The following GNL3 variants were observed in gnomAD, a reference collection of about 807,000 sequenced individuals.
GNL3 encodes the protein guanine nucleotide-binding protein-like 3.
GNL3 carries 77 observed loss-of-function variants against 70.6 expected under a neutral mutation model. The observed-to-expected ratio is 1.09, with a 90% CI of 0.91 to 1.32. The LOEUF is 1.32. Among genes scored for constraint, GNL3 ranks in the 40% most tolerant of loss-of-function variants. GNL3 has a pLI of 0.00. For missense variants in GNL3, 634 were observed against 644.0 expected (o/e 0.98, Z 0.17); for synonymous variants, 252 against 216.1 (o/e 1.17, Z -1.46).
At position 52,691,001 on chromosome 3, in the gene GNL3, A is replaced by G; in HGVS notation, c.711A>G (p.Lys237=). ...APFRSEVCFG[K]EGLWKLLGGF... Reference sequence around the variant, plus strand: ...TCAGAAGTGAAGTCTGCTTTGGGAAAGAGGGCCTTTGGAAACTTCTTGGAG... The same window carrying G: ...TCAGAAGTGAAGTCTGCTTTGGGAAGGAGGGCCTTTGGAAACTTCTTGGAG... The change falls in exon 8 of 15, where the codon AAA becomes AAG. Residue 237 remains lysine, a synonymous_variant. Transcript: ENST00000418458. 2 of 1,613,858 alleles carry G rather than the reference A, an allele frequency of 1.2e-6. No individual in the cohort carries two copies. Among genetic ancestry groups the G allele is most frequent in the South Asian group, 1.1e-5 (1 of 91,080 alleles).
chr3:52,692,819 C>G (rs765484246), intron 9 of GNL3, 53 bp from the exon 10 acceptor site: 5 of 1,423,600 alleles, frequency 3.5e-6, no homozygotes, highest in African/African-American at 1.4e-5. Context: ...TGTTCTGTCT[C>G]TTAACCTCCA....
intron 5 of GNL3, 42 bp from the exon 6 acceptor site, chr3:52,689,032 T>G: frequency 6.4e-7 from 1 of 1,566,364 alleles, no homozygotes; most frequent in Non-Finnish European, 8.8e-7. Context: ...TCTGATCATT[T>G]TCTCCTTGAT....
chr3:52,693,111 G>C (rs1348880155), intron 10 of GNL3, 65 bp downstream of exon 10: 29 of 1,598,154 alleles, frequency 1.8e-5, no homozygotes, highest in Non-Finnish European at 2.4e-5. Flanking sequence ...ATTTTGAGTA[G>C]AAAAATCTTG....
In GNL3 at chr3:52,693,803, T is replaced by C. The variant is rs2097329866; in HGVS notation, c.1496T>C (p.Val499Ala). ...GACCAGGAAACTGTTGATGAAGAAG[T>C]TGATGTAAGTGTGTCCTCCATGAGT... ...DSDQETVDEE[V>A]DENSSGMFAA... The change falls in exon 13 of 15, where the codon GTT (valine) becomes GCT (alanine). Residue 499 changes from valine to alanine, a missense_variant. Physicochemically the swap from Val to Ala is moderately conservative, Grantham distance 64. Transcript: ENST00000418458. 1 of 1,612,130 alleles carries C rather than the reference T, an allele frequency of 6.2e-7. No homozygotes were observed. Among genetic ancestry groups the C allele is most frequent in the Middle Eastern group, 1.7e-4 (1 of 6,058 alleles).
At position 52,693,208 on chromosome 3, in the gene GNL3, C is replaced by A. The variant is rs536200025; in HGVS notation, c.1066C>A (p.Pro356Thr). ...ARQVVLKYTV[P>T]GYRNSLEFFT... ...TAAGGTAGTACTGAAATATACTGTCCCAGGCTACAGGAATTCTCTGGAATT... is the reference window on the plus strand; with the variant it reads ...TAAGGTAGTACTGAAATATACTGTCACAGGCTACAGGAATTCTCTGGAATT... The change falls in exon 11 of 15, where the codon CCA (proline) becomes ACA (threonine). Residue 356 changes from proline to threonine, a missense_variant. Physicochemically the swap from Pro to Thr is conservative, Grantham distance 38. Transcript: ENST00000418458. 1 of 1,613,262 alleles carries A rather than the reference C, an allele frequency of 6.2e-7. No homozygotes were observed. Among genetic ancestry groups the A allele is most frequent in the East Asian group, 2.2e-5 (1 of 44,862 alleles).
rs776549711 is a variant in GNL3, at chr3:52,693,457, C to T, written c.1237C>T (p.Pro413Ser). 4 of 1,613,934 alleles carry T rather than the reference C, an allele frequency of 2.5e-6. No individual in the cohort carries two copies. In the South Asian group the frequency reaches 4.4e-5, roughly 18 times the overall value. Residue 413 changes from proline to serine, a missense_variant, in exon 12 of 15, where the codon CCA (proline) becomes TCA (serine). By Grantham distance (74) the Pro-to-Ser change is moderately conservative. Coordinates refer to ENST00000418458, the MANE Select transcript of GNL3 (RefSeq NM_014366.5). The part of the protein sequence containing the change: ...CHPPTSWTPP[P>S]YFNESIVVDM... The stretch of plus-strand genomic sequence containing the variant: ...TCCCCCTACATCTTGGACTCCTCCT[C>T]CATATTTTAATGAGAGTATTGTGGT...
chr3:52,687,987 G>A, intron 4 of GNL3, 122 bp from the exon 5 acceptor site: 1 of 696,626 alleles, frequency 1.4e-6, no homozygotes, highest in Non-Finnish European at 2.6e-6. Context: ...AGACAACTGA[G>A]TTCAGACTCC....
At chr3:52,690,363 C>G (rs985523485) in intron 6 of GNL3, among the ~76,000 whole-genome samples, 10 of 152,088 alleles carry the variant, frequency 6.6e-5, no homozygotes, top group African/African-American at 2.4e-4. Flanking sequence ...CCCGGGTTCA[C>G]GCCGTTCTCC....
At chr3:52,688,967 A>G (rs1388073760) in intron 5 of GNL3, 107 bp from the exon 6 acceptor site, 1 of 876,298 alleles carries the variant, frequency 1.1e-6, no homozygotes, top group African/African-American at 1.7e-5. Context: ...CTGTTGCTAA[A>G]TGGATAATGC....
At position 52,687,588 on chromosome 3, in the gene GNL3, G is replaced by C. The variant is rs1422809217; in HGVS notation, c.297G>C (p.Lys99Asn). The change falls in exon 4 of 15, where the codon AAG becomes AAC. Residue 99 changes from lysine (K) to asparagine (N), a missense_variant. By Grantham distance (94) the Lys-to-Asn change is moderately conservative. Coordinates refer to ENST00000418458, the MANE Select transcript of GNL3 (RefSeq NM_014366.5). ...AACTTGAAACTAATCCTGATATTAAGCCATCAAATGTGGAACCTATGGAAA... is the reference window on the plus strand; with the variant it reads ...AACTTGAAACTAATCCTGATATTAACCCATCAAATGTGGAACCTATGGAAA... Reference protein sequence around the residue: ...KRKLETNPDIKPSNVEPMEKE... With the variant: ...KRKLETNPDINPSNVEPMEKE... 1 of 1,601,578 alleles carries C rather than the reference G, an allele frequency of 6.2e-7. No homozygotes were observed.
rs780133783 is a variant in GNL3 at position 52,693,221 on chromosome 3, A to G, written c.1079A>G (p.Asn360Ser). ...VLKYTVPGYR[N>S]SLEFFTVLAQ... ...AAATATACTGTCCCAGGCTACAGGA[A>G]TTCTCTGGAATTTTTTACTGTGCTT... Residue 360 changes from asparagine (N) to serine (S), a missense_variant, in exon 11 of 15, where the codon AAT becomes AGT. Asn to Ser is a conservative substitution (Grantham distance 46). Coordinates refer to ENST00000418458, the MANE Select transcript of GNL3 (RefSeq NM_014366.5). The G allele has an allele frequency of 6.2e-7, 1 of 1,613,654 alleles. No individual in the cohort carries two copies. The highest frequency in any genetic ancestry group is 1.3e-5 in the African/African-American group (1 of 74,888).
At chr3:52,689,296 A>T (rs1171744791) in intron 6 of GNL3, 90 bp downstream of exon 6, 2 of 1,204,792 alleles carry the variant, frequency 1.7e-6, no homozygotes, top group Non-Finnish European at 2.5e-6. Context: ...ATTAGATCCA[A>T]CTCTGATCTC....
chr3:52,692,132 C>G (rs1037483533), intron 9 of GNL3, among the ~76,000 whole-genome samples: 8 of 152,294 alleles, frequency 5.3e-5, no homozygotes, highest in South Asian at 2.1e-4. Flanking sequence ...GAGGAAAGCT[C>G]CCTCAGAGGA....
chr3:52,691,484 A>G, intron 8 of GNL3, 58 bp from the exon 9 acceptor site: 2 of 1,035,380 alleles, frequency 1.9e-6, no homozygotes, highest in South Asian at 2.6e-5. Flanking sequence ...GGCAGTGAAA[A>G]TTTCATAAGT....
At chr3:52,689,962 A>G (rs2097325738) in intron 6 of GNL3, among the ~76,000 whole-genome samples, 1 of 152,206 alleles carries the variant, frequency 6.6e-6, no homozygotes, top group Non-Finnish European at 1.5e-5. Context: ...TGAAGAAACA[A>G]TTGGCTGCTA....
intron 5 of GNL3, among the ~76,000 whole-genome samples, chr3:52,688,579 G>A (rs1451473152): frequency 6.6e-6 from 1 of 152,164 alleles, no homozygotes; most frequent in East Asian, 1.9e-4. Flanking sequence ...ACATAGTGTT[G>A]AGATTGAGAA....
In GNL3 at chr3:52,691,568, A is replaced by G. The variant is rs2154099659; in HGVS notation, c.808A>G (p.Ile270Val). Residue 270 changes from isoleucine (I) to valine (V), a missense_variant, in exon 9 of 15, where the codon ATT becomes GTT. Transcript: ENST00000418458. ...TTTCCCAAATGTGGGGAAAAGCAGCATTATCAATAGCTTAAAACAAGAACA... is the reference window on the plus strand; with the variant it reads ...TTTCCCAAATGTGGGGAAAAGCAGCGTTATCAATAGCTTAAAACAAGAACA... ...IGFPNVGKSSIINSLKQEQMC... is the reference protein window; with the variant it reads ...IGFPNVGKSSVINSLKQEQMC... The G allele has an allele frequency of 1.3e-6, 2 of 1,598,972 alleles. No individual in the cohort carries two copies. Among genetic ancestry groups the G allele is most frequent in the South Asian group, 2.2e-5 (2 of 89,596 alleles).
At chr3:52,692,724 C>T in intron 9 of GNL3, 148 bp from the exon 10 acceptor site, 1 of 770,314 alleles carries the variant, frequency 1.3e-6, no homozygotes, top group South Asian at 1.4e-5. Flanking sequence ...TATGCTGTTA[C>T]AGTTTTAGAT....
At chr3:52,687,215 G>C in intron 2 of GNL3, 31 bp from the exon 3 acceptor site, 1 of 1,571,738 alleles carries the variant, frequency 6.4e-7, no homozygotes, top group Non-Finnish European at 8.7e-7. Context: ...AGATATTTTT[G>C]TAAGCAGACA....
Sources: gnomAD v4.1 joint callset for allele counts (sites outside exome capture counted in the v4.1 genomes callset) on GRCh38, gnomAD v4.1.1 for gene constraint, MANE v1.5 for transcripts, NCBI Gene and HGNC (gene_info 2026-07-23, HGNC 2026-07-21) for gene names.